PCDHGA2: variants seen among roughly 807,000 people sequenced by gnomAD.
PCDHGA2 encodes protocadherin gamma subfamily A, 2.
PCDHGA2 carries 40 observed loss-of-function variants against 59.2 expected under a neutral mutation model. The ratio of observed to expected loss-of-function variants is 0.68; its 90% CI spans 0.52 to 0.88. The LOEUF (loss-of-function observed/expected upper bound fraction) is 0.88. PCDHGA2 is among the 40% of genes least tolerant of loss of function. The probability of loss-of-function intolerance (pLI) is 0.00; values close to 1 mark genes in which losing one functional copy is unlikely to be tolerated. For synonymous variants in PCDHGA2, 560 were observed against 526.0 expected (o/e 1.06, Z -0.89); for missense variants, 1,226 against 1,204.0 (o/e 1.02, Z -0.27).
intron 1 of PCDHGA2, chr5:141,366,169 G>A (rs1281971399): frequency 6.2e-7 from 1 of 1,613,962 alleles, no homozygotes; most frequent in Non-Finnish European, 8.5e-7. Flanking sequence ...AGGCCAGCGA[G>A]CCAGGACTCT....
At chr5:141,390,553 A>G in intron 1 of PCDHGA2, 3 of 476,468 alleles carry the variant, frequency 6.3e-6, no homozygotes, top group Non-Finnish European at 1.1e-5. Context: ...TGAAAGTGTT[A>G]GACAGTTGTT....
intron 1 of PCDHGA2, chr5:141,394,275 A>T: frequency 6.2e-7 from 1 of 1,613,910 alleles, no homozygotes; most frequent in Non-Finnish European, 8.5e-7. Context: ...TGCCCAGGTC[A>T]CTTACTCTGT....
At chr5:141,355,212 T>G in intron 1 of PCDHGA2, 1 of 1,600,656 alleles carries the variant, frequency 6.2e-7, no homozygotes, top group Non-Finnish European at 8.5e-7. Flanking sequence ...TGGCGGCGCC[T>G]CCTGCTCGCC....
chr5:141,472,556 T>A (rs2099287889), intron 1 of PCDHGA2, among the ~76,000 whole-genome samples: 1 of 151,628 alleles, frequency 6.6e-6, no homozygotes, highest in South Asian at 2.1e-4. Flanking sequence ...AAAAAAATTA[T>A]ATTATAAATG....
intron 1 of PCDHGA2, chr5:141,362,185 C>A: frequency 6.2e-7 from 1 of 1,614,022 alleles, no homozygotes; most frequent in Middle Eastern, 1.6e-4. Context: ...GCCCTCTGAC[C>A]CCCAGGCAAA....
chr5:141,394,087 C>T, intron 1 of PCDHGA2: 2 of 1,613,888 alleles, frequency 1.2e-6, no homozygotes, highest in Non-Finnish European at 1.7e-6. Context: ...GTGATGGCCT[C>T]AGATCTAGGA....
At chr5:141,374,810 A>G in intron 1 of PCDHGA2, 1 of 1,613,952 alleles carries the variant, frequency 6.2e-7, no homozygotes, top group Non-Finnish European at 8.5e-7. Context: ...TCCAATGTTT[A>G]CTCAGCCTGT....
At chr5:141,388,639 C>T (rs2091432130) in intron 1 of PCDHGA2, 1 of 1,613,944 alleles carries the variant, frequency 6.2e-7, no homozygotes, top group Non-Finnish European at 8.5e-7. Context: ...GTGAGCCTTT[C>T]AGAAAACGTG....
rs761149166 is a variant in PCDHGA2 at position 141,510,977 on chromosome 5, G to C, written c.2603G>C (p.Gly868Ala). Residue 868 changes from glycine to alanine, a missense_variant, in exon 4 of 4, where the codon GGG (glycine) becomes GCG (alanine). Coordinates refer to ENST00000394576, the MANE Select transcript of PCDHGA2 (RefSeq NM_018915.4). Reference protein sequence around the residue: ...EAADGSSTLGGGAGTMGLSAR... With the variant: ...EAADGSSTLGAGAGTMGLSAR... ...GCTGATGGGAGCTCCACCCTGGGAG[G>C]GGGTGCCGGCACCATGGGATTGAGC... 9 of 1,614,052 alleles carry C rather than the reference G, an allele frequency of 5.6e-6. No individual in the cohort carries two copies. The Admixed American group carries it at 1.3e-4, about 24-fold the overall frequency.
At chr5:141,414,400 G>C (rs768269499) in intron 1 of PCDHGA2, 1 of 1,613,878 alleles carries the variant, frequency 6.2e-7, no homozygotes, top group Admixed American at 1.7e-5. Context: ...TTACAGATTG[G>C]TGATACACAG....
At chr5:141,481,919 A>C (rs1488201177) in intron 1 of PCDHGA2, among the ~76,000 whole-genome samples, 1 of 151,214 alleles carries the variant, frequency 6.6e-6, no homozygotes, top group Non-Finnish European at 1.5e-5. Context: ...ATCTCAAAAA[A>C]AAAAAAAAAA....
intron 1 of PCDHGA2, chr5:141,394,087 C>G (rs2092917292): frequency 6.2e-7 from 1 of 1,613,770 alleles, no homozygotes; most frequent in Admixed American, 1.7e-5. Flanking sequence ...GTGATGGCCT[C>G]AGATCTAGGA....
Position 141,374,021 on chromosome 5 carries a change from C to G in PCDHGA2, c.2424+32626C>G. 3 of 1,406,168 alleles carry G rather than the reference C, an allele frequency of 2.1e-6. No homozygotes were observed. In the South Asian group the frequency reaches 5.2e-5, roughly 24 times the overall value. The allele number at this position is 1,406,168 out of a possible 1,614,324, so 87.1% of individuals were successfully genotyped here. The stretch of plus-strand genomic sequence containing the variant: ...CCTTCACCGCTATTTCTGAGAAGAG[C>G]AAAAGTGATGCAGATCTGTTCTTCC... On this transcript the variant is annotated intron_variant, in intron 1 of 3. Transcript: ENST00000394576.
intron 1 of PCDHGA2, chr5:141,384,223 G>A (rs1779858487): frequency 6.2e-7 from 1 of 1,613,742 alleles, no homozygotes; most frequent in African/African-American, 1.3e-5. Context: ...ATTCATGCAG[G>A]TGGCAGACAC....
chr5:141,507,619 G>T (rs1237918589), intron 3 of PCDHGA2, among the ~76,000 whole-genome samples: 22 of 152,256 alleles, frequency 1.4e-4, no homozygotes, highest in Admixed American at 1.4e-3. Context: ...ATATTTAGCT[G>T]TTGTGGCCTT....
chr5:141,420,769 C>T (rs2096524721), intron 1 of PCDHGA2, among the ~76,000 whole-genome samples: 1 of 152,212 alleles, frequency 6.6e-6, no homozygotes, highest in Admixed American at 6.5e-5. Flanking sequence ...AAGTTTTCAG[C>T]TCCAGTAATA....
rs760855582 is a variant in PCDHGA2, at chr5:141,362,235, A to AG, written c.2424+20841dup. 73 of 1,613,734 alleles carry AG rather than the reference A, an allele frequency of 4.5e-5. 1 individual carries two copies. The Middle Eastern group carries it at 5.9e-3, about 131-fold the overall frequency. Reference sequence around the variant, plus strand: ...TGGTTGTGGCCTTGGCCTTGATCTCAGTGCTCTTCTTCCTCGCGGTGATTC... The same window carrying AG: ...TGGTTGTGGCCTTGGCCTTGATCTCAGGTGCTCTTCTTCCTCGCGGTGATTC... On this transcript the variant is annotated intron_variant, in intron 1 of 3. Coordinates refer to ENST00000394576, the MANE Select transcript of PCDHGA2 (RefSeq NM_018915.4).
intron 1 of PCDHGA2, among the ~76,000 whole-genome samples, chr5:141,358,812 C>T (rs1446973698): frequency 6.6e-6 from 1 of 152,188 alleles, no homozygotes; most frequent in Non-Finnish European, 1.5e-5. Flanking sequence ...ATGATTTACG[C>T]TGCTTAGTAA....
chr5:141,410,820 T>A (rs1032991309), intron 1 of PCDHGA2: 14 of 524,668 alleles, frequency 2.7e-5, no homozygotes, highest in Non-Finnish European at 4.1e-5. Context: ...TAAAATAATG[T>A]CACCAGACTG....
Sources: gnomAD v4.1 joint callset for allele counts (sites outside exome capture counted in the v4.1 genomes callset) on GRCh38, gnomAD v4.1.1 for gene constraint, MANE v1.5 for transcripts, NCBI Gene and HGNC (gene_info 2026-07-23, HGNC 2026-07-21) for gene names.